BRD4: variants seen among roughly 807,000 people sequenced by gnomAD.
BRD4 encodes the protein bromodomain containing 4.
A neutral mutation model predicts 142.1 loss-of-function variants in BRD4; 16 were observed. The observed-to-expected ratio is 0.11, with a 90% CI of 0.08 to 0.17. BRD4 has a LOEUF of 0.17. Ranked by LOEUF, BRD4 falls within the 10% of genes least tolerant of loss-of-function variation. BRD4 has a pLI of 1.00. For missense variants in BRD4, 1,424 were observed against 1,810.9 expected, an observed-to-expected ratio of 0.79 and a Z score of 3.88; for synonymous variants, 833 against 707.5, an observed-to-expected ratio of 1.18 and a Z score of -2.82.
rs1330690832 is a variant in BRD4 at position 15,249,379 on chromosome 19, C to G, written c.2159-4617G>C. 14 of 1,605,202 alleles carry G rather than the reference C, an allele frequency of 8.7e-6. No homozygotes were observed. In the Middle Eastern group the frequency reaches 5.1e-4, roughly 59 times the overall value. ...AAGAACAGAAGAACCGCAGACTGAG[C>G]CAACCTCCTGCGCCCTGGTGGCTGA... is the stretch of plus-strand genomic sequence containing the variant. On this transcript the variant is annotated intron_variant, in intron 11 of 19. Transcript: ENST00000679869.
intron 1 of BRD4, among the ~76,000 whole-genome samples, chr19:15,314,216 A>T (rs1427222020): frequency 2.0e-5 from 3 of 152,190 alleles, no homozygotes; most frequent in Non-Finnish European, 2.9e-5. Context: ...TGCTCACAAA[A>T]TGGAGGACGT....
chr19:15,293,221 TAC>T (rs2047797879), intron 1 of BRD4, among the ~76,000 whole-genome samples: 2 of 152,126 alleles, frequency 1.3e-5, no homozygotes, highest in Admixed American at 1.3e-4. Context: ...CCTGAAACCA[TAC>T]AGTTTCGCTT....
chr19:15,277,410 T>C lies in BRD4; in HGVS notation c.-34-4277A>G, dbSNP rs556744802. 9.5e-4 allele frequency among the ~76,000 whole-genome samples: 144 copies of C among 152,152 alleles called. 1 individual carries two copies. The South Asian group carries it at 0.017, about 18-fold the overall frequency. ...TGCAGGAACTATCAGCACAAGGCAA[T>C]TGATCATTTCAACACCAGATTGCAC... On this transcript the variant is annotated intron_variant, in intron 1 of 19. Coordinates refer to ENST00000679869, the MANE Select transcript of BRD4 (RefSeq NM_001379291.1).
chr19:15,284,040 G>T (rs2047723640), intron 1 of BRD4, among the ~76,000 whole-genome samples: 1 of 152,210 alleles, frequency 6.6e-6, no homozygotes, highest in African/African-American at 2.4e-5. Flanking sequence ...TCAGGGTCCA[G>T]AGGTATCAAA....
Position 15,238,773 on chromosome 19 carries a change from C to T in BRD4, c.3990G>A (p.Lys1330=). 6.4e-7 allele frequency: 1 copy of T among 1,574,686 alleles called. No individual in the cohort carries two copies. The highest frequency in any genetic ancestry group is 8.6e-7 in the Non-Finnish European group (1 of 1,156,710). ...CCCGGCGTCTTCGCTCCTGCTCCCG[C>T]TTCCGGGCCAACTCCCTCTGCTGGT... ...MLDQQRELAR[K]REQERRRREA... The change falls in exon 19 of 20, where the codon AAG becomes AAA. Residue 1330 remains lysine, a synonymous_variant. Coordinates refer to ENST00000679869, the MANE Select transcript of BRD4 (RefSeq NM_001379291.1). This position sits in a 1 kb window ranked among gnomAD's most constrained non-coding sequence, Gnocchi z 7.2.
At chr19:15,293,772 C>T (rs1407370066) in intron 1 of BRD4, among the ~76,000 whole-genome samples, 2 of 152,230 alleles carry the variant, frequency 1.3e-5, no homozygotes, top group African/African-American at 4.8e-5. Context: ...GGAACTTTTG[C>T]ATCATTCCAA....
intron 1 of BRD4, among the ~76,000 whole-genome samples, chr19:15,296,581 TAG>T (rs1232679593): frequency 6.6e-6 from 1 of 152,144 alleles, no homozygotes; most frequent in Non-Finnish European, 1.5e-5. Context: ...AGTGTGTCTT[TAG>T]AGAGCAGTGG....
Position 15,238,229 on chromosome 19 carries a change from C to A in BRD4, c.*148G>T. 1 of 1,323,998 alleles carries A rather than the reference C, an allele frequency of 7.6e-7. No homozygotes were observed. 82.0% of individuals were successfully genotyped at this position (1,323,998 alleles called of 1,614,324 possible). ...GACAGGCTCTGCAATCCTCAGCTGCCCGTCAGGCCTGCCCCGGGCATAGCA... is the reference window on the plus strand; with the variant it reads ...GACAGGCTCTGCAATCCTCAGCTGCACGTCAGGCCTGCCCCGGGCATAGCA... On this transcript the variant is annotated 3_prime_UTR_variant, in exon 20 of 20. Transcript: ENST00000679869. This position sits in a 1 kb window ranked among gnomAD's most constrained non-coding sequence, Gnocchi z 7.2.
intron 14 of BRD4, among the ~76,000 whole-genome samples, chr19:15,242,204 G>C (rs554459765): frequency 6.6e-6 from 1 of 151,864 alleles, no homozygotes; most frequent in Non-Finnish European, 1.5e-5. Flanking sequence ...ACCCAAGACA[G>C]GCAGCACCAT....
chr19:15,308,462 C>T (rs1439215971), intron 1 of BRD4, among the ~76,000 whole-genome samples: 1 of 151,670 alleles, frequency 6.6e-6, no homozygotes, highest in South Asian at 2.1e-4. Context: ...TGGCGTGCAC[C>T]TGTAGTCCCA....
intron 6 of BRD4, 86 bp downstream of exon 6, chr19:15,264,318 C>T (rs954279513): frequency 4.6e-5 from 69 of 1,494,812 alleles, no homozygotes; most frequent in Admixed American, 2.2e-4. Context: ...CCTGGGCTTC[C>T]TCTTGGACTA....
At chr19:15,271,046 C>T (rs1293322247) in intron 2 of BRD4, among the ~76,000 whole-genome samples, 1 of 152,206 alleles carries the variant, frequency 6.6e-6, no homozygotes, top group East Asian at 1.9e-4. Flanking sequence ...ACTTCAGAGA[C>T]TGACCTTGAA....
intron 1 of BRD4, among the ~76,000 whole-genome samples, chr19:15,275,094 G>C (rs753204605): frequency 1.3e-5 from 2 of 152,036 alleles, no homozygotes; most frequent in Admixed American, 1.3e-4. Flanking sequence ...CCTGACCTCA[G>C]GTGATCCACC....
At chr19:15,293,236 TAA>T (rs569986992) in intron 1 of BRD4, among the ~76,000 whole-genome samples, 76 of 152,296 alleles carry the variant, frequency 5.0e-4, no homozygotes, top group Non-Finnish European at 8.5e-4. Flanking sequence ...TTTCGCTTGT[TAA>T]AGACACTAGA....
chr19:15,295,658 GGGAA>G (rs754142924), intron 1 of BRD4, among the ~76,000 whole-genome samples: 1 of 152,236 alleles, frequency 6.6e-6, no homozygotes, highest in Admixed American at 6.5e-5. Flanking sequence ...GGCACAGATT[GGGAA>G]GGAAGAAATA....
At chr19:15,297,360 T>C (rs910139479) in intron 1 of BRD4, among the ~76,000 whole-genome samples, 5 of 152,094 alleles carry the variant, frequency 3.3e-5, no homozygotes, top group Admixed American at 6.6e-5. Context: ...TAAGAAAACA[T>C]CAGATGGACT....
At chr19:15,283,098 C>T (rs1411626588) in intron 1 of BRD4, among the ~76,000 whole-genome samples, 1 of 152,148 alleles carries the variant, frequency 6.6e-6, no homozygotes, top group African/African-American at 2.4e-5. Context: ...AAAGTAGGGG[C>T]TGGCAGTGAG....
At chr19:15,323,858 C>G (rs1442066790) in intron 1 of BRD4, among the ~76,000 whole-genome samples, 1 of 152,172 alleles carries the variant, frequency 6.6e-6, no homozygotes, top group African/African-American at 2.4e-5. Context: ...GAAAGCAAAG[C>G]CAGCACTCCT....
chr19:15,307,796 A>G (rs909868112), intron 1 of BRD4, among the ~76,000 whole-genome samples: 2 of 152,066 alleles, frequency 1.3e-5, no homozygotes, highest in Non-Finnish European at 2.9e-5. Context: ...AGTGGGTACT[A>G]CCAGATTGCC....
Sources: allele counts gnomAD v4.1 joint callset (sites outside exome capture counted in the v4.1 genomes callset), GRCh38; gene constraint gnomAD v4.1.1; non-coding constraint Gnocchi (gnomAD v3.1); transcripts MANE v1.5; gene names NCBI Gene and HGNC (gene_info 2026-07-23, HGNC 2026-07-21).